The following NCOA5 variants were observed in gnomAD, a reference collection of about 807,000 sequenced individuals.
NCOA5 encodes the protein nuclear receptor coactivator 5, also known as NCoA-5.
In NCOA5, 12 loss-of-function variants were observed where a neutral mutation model predicts 59.0. The observed-to-expected ratio is 0.20, with a 90% confidence interval of 0.13 to 0.33. NCOA5 has a LOEUF of 0.33. Among genes scored for constraint, NCOA5 ranks in the 10% least tolerant of loss-of-function variants. The probability of loss-of-function intolerance (pLI) is 1.00; values close to 1 mark genes in which losing one functional copy is unlikely to be tolerated. For missense variants in NCOA5, 655 were observed against 766.6 expected, an observed-to-expected ratio of 0.85 and a Z score of 1.72; for synonymous variants, 270 against 275.5, an observed-to-expected ratio of 0.98 and a Z score of 0.20.
At chr20:46,064,105 A>AT (rs1230162084) in intron 6 of NCOA5, among the ~76,000 whole-genome samples, 4 of 152,152 alleles carry the variant, frequency 2.6e-5, no homozygotes, top group Non-Finnish European at 5.9e-5. Flanking sequence ...CTGGCCTACC[A>AT]TTTTTTAATT....
At chr20:46,079,683 A>G (rs2084971483) in intron 1 of NCOA5, among the ~76,000 whole-genome samples, 1 of 152,196 alleles carries the variant, frequency 6.6e-6, no homozygotes, top group Non-Finnish European at 1.5e-5. Flanking sequence ...GTTAACACGT[A>G]ATTTGTCTTA....
At position 46,063,662 on chromosome 20, in the gene NCOA5, T is replaced by C; in HGVS notation, c.848A>G (p.Gln283Arg). The change falls in exon 7 of 8, where the codon CAA becomes CGA. Residue 283 changes from glutamine (Q) to arginine (R), a missense_variant. Around this residue, in one of 3 missense-constraint regions of NCOA5, gnomAD observed 80 missense variants for 153.3 expected, o/e 0.52. Coordinates refer to ENST00000290231, the MANE Select transcript of NCOA5 (RefSeq NM_020967.3). ...GTPQEHRNMPQADAMVLVARN... is the reference protein window; with the variant it reads ...GTPQEHRNMPRADAMVLVARN... Reference sequence around the variant, plus strand: ...GGCCACCAGCACCATGGCATCTGCTTGGGGCATGTTGCGATGCTCTGTAGG... The same window carrying C: ...GGCCACCAGCACCATGGCATCTGCTCGGGGCATGTTGCGATGCTCTGTAGG... 6.2e-7 allele frequency: 1 copy of C among 1,613,906 alleles called. No individual in the cohort carries two copies. Among genetic ancestry groups the C allele is most frequent in the Non-Finnish European group, 8.5e-7 (1 of 1,179,946 alleles).
chr20:46,063,694 T>C lies in NCOA5; in HGVS notation c.830-14A>G, dbSNP rs2084792439. 1.9e-6 allele frequency: 3 copies of C among 1,607,478 alleles called. No individual in the cohort carries two copies. Among genetic ancestry groups the C allele is most frequent in the South Asian group, 1.1e-5 (1 of 90,718 alleles). ...TGTTGCGATGCTCTGTAGGAGGAAATGACATGAGTTATTTTCTTCCATGAC... is the reference window on the plus strand; with the variant it reads ...TGTTGCGATGCTCTGTAGGAGGAAACGACATGAGTTATTTTCTTCCATGAC... On this transcript the variant is annotated splice_polypyrimidine_tract_variant and intron_variant, in intron 6 of 7. Transcript: ENST00000290231.
intron 2 of NCOA5, among the ~76,000 whole-genome samples, chr20:46,072,236 T>C (rs1336612470): frequency 6.6e-6 from 1 of 152,186 alleles, no homozygotes; most frequent in Non-Finnish European, 1.5e-5. Context: ...CTCATTTCTG[T>C]TTTTGCCTCT....
At chr20:46,087,990 T>C (rs1260485791) in intron 1 of NCOA5, among the ~76,000 whole-genome samples, 4 of 136,686 alleles carry the variant, frequency 2.9e-5, no homozygotes, top group Non-Finnish European at 6.5e-5. Flanking sequence ...TATATACATA[T>C]ACATATATAT....
chr20:46,088,902 ATATT>A (rs1242934301), intron 1 of NCOA5, among the ~76,000 whole-genome samples: 3 of 152,216 alleles, frequency 2.0e-5, no homozygotes, highest in East Asian at 3.8e-4. Context: ...CAACAGACAG[ATATT>A]TATTTTTTTT....
chr20:46,085,088 T>C (rs2085032408), intron 1 of NCOA5, among the ~76,000 whole-genome samples: 1 of 152,204 alleles, frequency 6.6e-6, no homozygotes, highest in Non-Finnish European at 1.5e-5. Context: ...TGGAGTGCAG[T>C]GGCTCGATCA....
At chr20:46,067,279 C>G in intron 4 of NCOA5, 98 bp from the exon 5 acceptor site, 2 of 1,386,906 alleles carry the variant, frequency 1.4e-6, no homozygotes, top group South Asian at 2.9e-5. Context: ...CTGAATCAAT[C>G]CTCTGGTCTA....
At position 46,062,782 on chromosome 20, in the gene NCOA5, T is replaced by C. The variant is rs145821580; in HGVS notation, c.1258A>G (p.Thr420Ala). ...SGQVLPSATPTPSAPPTSQQE... is the reference protein window; with the variant it reads ...SGQVLPSATPAPSAPPTSQQE... ...TGGGAGGTGGGGGGTGCAGATGGAG[T>C]GGGTGTAGCAGAGGGGAGCACTTGG... Residue 420 changes from threonine to alanine, a missense_variant, in exon 8 of 8, where the codon ACT becomes GCT. By Grantham distance (58) the Thr-to-Ala change is moderately conservative. Transcript: ENST00000290231. 63 of 1,595,218 alleles carry C rather than the reference T, an allele frequency of 3.9e-5. 1 individual carries two copies. The highest frequency in any genetic ancestry group is 5.4e-5 in the Non-Finnish European group (63 of 1,170,244).
At chr20:46,070,864 T>C (rs1225611276) in intron 2 of NCOA5, among the ~76,000 whole-genome samples, 1 of 151,970 alleles carries the variant, frequency 6.6e-6, no homozygotes, top group Non-Finnish European at 1.5e-5. Flanking sequence ...GGTAAAAAGT[T>C]GGAGTGACAG....
chr20:46,082,673 C>T (rs2085003570), intron 1 of NCOA5, among the ~76,000 whole-genome samples: 1 of 152,154 alleles, frequency 6.6e-6, no homozygotes. Context: ...TCATAATCAC[C>T]ATGAAGTGCT....
At chr20:46,071,179 C>CA (rs919077391) in intron 2 of NCOA5, among the ~76,000 whole-genome samples, 1 of 140,436 alleles carries the variant, frequency 7.1e-6, no homozygotes, top group African/African-American at 2.6e-5. Flanking sequence ...AACAAAAAAA[C>CA]AACCTGAACA....
chr20:46,075,838 C>G (rs902317020), intron 2 of NCOA5, among the ~76,000 whole-genome samples: 1 of 152,154 alleles, frequency 6.6e-6, no homozygotes, highest in Non-Finnish European at 1.5e-5. Context: ...TGAAGTGGCC[C>G]TCAAGAGTTA....
chr20:46,067,209 A>C (rs1052692680), intron 4 of NCOA5, 28 bp from the exon 5 acceptor site: 5 of 1,606,972 alleles, frequency 3.1e-6, no homozygotes, highest in Non-Finnish European at 3.4e-6. Context: ...GGTAAACTGA[A>C]ATAAGGACTG....
intron 5 of NCOA5, among the ~76,000 whole-genome samples, chr20:46,065,730 C>T (rs1181275399): frequency 6.6e-6 from 1 of 152,100 alleles, no homozygotes; most frequent in Non-Finnish European, 1.5e-5. Context: ...TTTTGACCTT[C>T]CCTCCAATCT....
At position 46,068,430 on chromosome 20, in the gene NCOA5, G is replaced by A. The variant is rs944653712; in HGVS notation, c.502+72C>T. On this transcript the variant is annotated intron_variant, in intron 4 of 7. Coordinates refer to ENST00000290231, the MANE Select transcript of NCOA5 (RefSeq NM_020967.3). ...TAGCCCTTTTTCAGATGGGGGTACTGGTTATTAGTTTCCTCTCTCTTTTGT... is the reference window on the plus strand; with the variant it reads ...TAGCCCTTTTTCAGATGGGGGTACTAGTTATTAGTTTCCTCTCTCTTTTGT... 1.2e-5 allele frequency: 18 copies of A among 1,509,526 alleles called. No individual in the cohort carries two copies. In the African/African-American group the frequency reaches 2.0e-4, roughly 16 times the overall value. 93.5% of individuals were successfully genotyped at this position (1,509,526 alleles called of 1,614,324 possible).
intron 2 of NCOA5, among the ~76,000 whole-genome samples, chr20:46,073,407 TTAGAA>T (rs1454348022): frequency 5.3e-5 from 8 of 152,230 alleles, no homozygotes; most frequent in Admixed American, 2.0e-4. Flanking sequence ...ATTTTTCTTA[TTAGAA>T]TAAAGTAAAG....
intron 1 of NCOA5, among the ~76,000 whole-genome samples, chr20:46,088,334 T>TTAGAA (rs1448239312): frequency 6.6e-6 from 1 of 152,140 alleles, no homozygotes; most frequent in Non-Finnish European, 1.5e-5. Flanking sequence ...TCAAAGGCAA[T>TTAGAA]CTGAAGAGTG....
intron 2 of NCOA5, 89 bp from the exon 3 acceptor site, chr20:46,070,625 A>C: frequency 7.9e-7 from 1 of 1,261,484 alleles, no homozygotes; most frequent in Non-Finnish European, 1.1e-6. Context: ...CCCACCCTCC[A>C]AGCATTCTTC....
Sources: gnomAD v4.1 joint callset for allele counts (sites outside exome capture counted in the v4.1 genomes callset) on GRCh38, gnomAD v4.1.1 for gene constraint, gnomAD v4.1.1 regional missense constraint, MANE v1.5 for transcripts, NCBI Gene and HGNC (gene_info 2026-07-23, HGNC 2026-07-21) for gene names.